The following TENM2 variants were observed in gnomAD, a reference collection of about 807,000 sequenced individuals.
TENM2 encodes teneurin transmembrane protein 2.
A neutral mutation model predicts 245.2 loss-of-function variants in TENM2; 52 were observed. The observed-to-expected ratio is 0.21, with a 90% CI of 0.17 to 0.27. The LOEUF is 0.27. TENM2 is among the 10% of genes least tolerant of loss of function. The pLI is 1.00. For missense variants in TENM2, 3,046 were observed against 3,666.8 expected, an observed-to-expected ratio of 0.83 and a Z score of 4.37; for synonymous variants, 1,363 against 1,438.9, an observed-to-expected ratio of 0.95 and a Z score of 1.19.
At chr5:167,453,654 A>G (rs957431979) in intron 2 of TENM2, among the ~76,000 whole-genome samples, 1 of 152,188 alleles carries the variant, frequency 6.6e-6, no homozygotes, top group Non-Finnish European at 1.5e-5. Flanking sequence ...TTCATAGTCC[A>G]GGGAGAGAAC....
chr5:167,238,660 A>C, the TENM2 span, among the ~76,000 whole-genome samples: 3 of 150,990 alleles, frequency 2.0e-5, no homozygotes, highest in Non-Finnish European at 4.4e-5. Context: ...ATGACTAGAT[A>C]AGTTGGCCTT....
At chr5:168,217,573 T>C (rs907696809) in intron 22 of TENM2, among the ~76,000 whole-genome samples, 2 of 152,194 alleles carry the variant, frequency 1.3e-5, no homozygotes, top group African/African-American at 4.8e-5. Flanking sequence ...TCAAATTCCA[T>C]AGAGGAAGGA....
At chr5:167,090,020 G>A in the TENM2 span, among the ~76,000 whole-genome samples, 1 of 152,064 alleles carries the variant, frequency 6.6e-6, no homozygotes, top group East Asian at 1.9e-4. Context: ...AATTCCTGTT[G>A]AATTCAGGTA....
chr5:167,837,180 T>C (rs931974513), intron 2 of TENM2, among the ~76,000 whole-genome samples: 8 of 152,266 alleles, frequency 5.3e-5, no homozygotes, highest in Middle Eastern at 3.4e-3. Flanking sequence ...AAGGACTACA[T>C]GTGATTCAAT....
intron 3 of TENM2, among the ~76,000 whole-genome samples, chr5:167,920,518 C>CACAA (rs1459296746): frequency 2.0e-5 from 2 of 101,286 alleles, no homozygotes; most frequent in East Asian, 4.2e-4. Context: ...AACTCCATCA[C>CACAA]ACACACACAC....
At chr5:167,141,372 T>C in the TENM2 span, among the ~76,000 whole-genome samples, 1 of 152,212 alleles carries the variant, frequency 6.6e-6, no homozygotes, top group Non-Finnish European at 1.5e-5. Flanking sequence ...TCACCATTTT[T>C]TATTTTAGAA....
chr5:167,506,934 T>A (rs1467667131), intron 2 of TENM2, among the ~76,000 whole-genome samples: 1 of 152,216 alleles, frequency 6.6e-6, no homozygotes, highest in Non-Finnish European at 1.5e-5. Flanking sequence ...TTTAATTTGT[T>A]TGTGAAAGTT....
intron 1 of TENM2, among the ~76,000 whole-genome samples, chr5:167,329,079 C>T (rs1757269981): frequency 6.6e-6 from 1 of 152,092 alleles, no homozygotes; most frequent in Non-Finnish European, 1.5e-5. Context: ...AGTTGATTGG[C>T]CATTTGAAAA....
intron 2 of TENM2, among the ~76,000 whole-genome samples, chr5:167,807,124 TAAAAAAAAAAAAAAAAAAA>T (rs1178739925): frequency 1.4e-4 from 7 of 49,080 alleles, no homozygotes; most frequent in African/African-American, 4.2e-4. Context: ...GCCCCTAGGT[TAAAAAAAAAAAAAAAAAAA>T]AAAAAAAAAA....
intron 19 of TENM2, among the ~76,000 whole-genome samples, chr5:168,208,906 T>G (rs1192386770): frequency 1.3e-5 from 2 of 152,138 alleles, no homozygotes; most frequent in African/African-American, 4.8e-5. Context: ...ATTGCAAAGT[T>G]TAGAAAAGCC....
At chr5:167,864,790 G>A (rs1772158983) in intron 2 of TENM2, among the ~76,000 whole-genome samples, 2 of 152,090 alleles carry the variant, frequency 1.3e-5, no homozygotes, top group Admixed American at 1.3e-4. Context: ...CTCCCAAAGG[G>A]TTTGTGTCAG....
rs145175209 is a variant in TENM2, at chr5:167,814,482, A to G, written c.503-61504A>G. Among the ~76,000 whole-genome samples, 1,057 of 151,292 alleles carry G rather than the reference A, an allele frequency of 7.0e-3. 15 individuals carry two copies. The highest frequency in any genetic ancestry group is 0.024 in the African/African-American group (1,008 of 41,370). On this transcript the variant is annotated intron_variant, in intron 2 of 28. Coordinates refer to ENST00000518659, the Ensembl canonical transcript of TENM2. ...AAAAAAAAAAAAAGAAAAAGAAAAG[A>G]AAAAGAAAGAAAAGCAATAAGCAAA...
At chr5:167,619,292 CT>C (rs780423543) in intron 2 of TENM2, among the ~76,000 whole-genome samples, 3 of 152,032 alleles carry the variant, frequency 2.0e-5, no homozygotes, top group Non-Finnish European at 2.9e-5. Context: ...ATTCTGCTAC[CT>C]TTTCACATTT....
chr5:167,255,493 G>A, the TENM2 span, among the ~76,000 whole-genome samples: 1 of 152,098 alleles, frequency 6.6e-6, no homozygotes, highest in Non-Finnish European at 1.5e-5. Flanking sequence ...TAAGGGAATT[G>A]GTGCTAATTA....
At chr5:167,596,102 G>C (rs1776189012) in intron 2 of TENM2, among the ~76,000 whole-genome samples, 1 of 152,118 alleles carries the variant, frequency 6.6e-6, no homozygotes, top group South Asian at 2.1e-4. Context: ...CTCTTCATAT[G>C]ATGGCAAGTT....
intron 2 of TENM2, among the ~76,000 whole-genome samples, chr5:167,600,738 A>G (rs979852502): frequency 6.6e-6 from 1 of 152,156 alleles, no homozygotes; most frequent in African/African-American, 2.4e-5. Context: ...CAACACAATT[A>G]ATTTCACAGT....
At chr5:167,605,715 T>C (rs1776988825) in intron 2 of TENM2, among the ~76,000 whole-genome samples, 1 of 152,222 alleles carries the variant, frequency 6.6e-6, no homozygotes. Context: ...CATGCTGTAA[T>C]TACATCTGAT....
chr5:167,560,986 C>T (rs1428459705), intron 2 of TENM2, among the ~76,000 whole-genome samples: 1 of 152,100 alleles, frequency 6.6e-6, no homozygotes, highest in Non-Finnish European at 1.5e-5. Context: ...CAGGACAGCC[C>T]CACAACAAGC....
intron 3 of TENM2, among the ~76,000 whole-genome samples, chr5:167,941,860 A>G (rs1295721032): frequency 2.0e-5 from 3 of 151,424 alleles, no homozygotes; most frequent in Non-Finnish European, 4.4e-5. Flanking sequence ...CCTCTTAAAA[A>G]CAACACACAC....
Sources: gnomAD v4.1 joint callset for allele counts (sites outside exome capture counted in the v4.1 genomes callset) on GRCh38, gnomAD v4.1.1 for gene constraint, MANE v1.5 for transcripts, NCBI Gene and HGNC (gene_info 2026-07-23, HGNC 2026-07-21) for gene names.